Variants in MAF observed in about 807,000 individuals in gnomAD.
The protein encoded by MAF is MAF bZIP transcription factor, also known as transcription factor Maf.
A neutral mutation model predicts 22.0 loss-of-function variants in MAF; 10 were observed. That is an observed-to-expected ratio of 0.45 (90% CI 0.28 to 0.77). The LOEUF (loss-of-function observed/expected upper bound fraction) is 0.77, where lower values mean the gene tolerates loss of function less well. MAF is among the 30% of genes least tolerant of loss of function. The pLI is 0.12. For synonymous variants in MAF, 337 were observed against 255.8 expected (o/e 1.32, Z -3.03); for missense variants, 544 against 548.4 (o/e 0.99, Z 0.08).
At chr16:79,385,610 C>G in the MAF span, among the ~76,000 whole-genome samples, 1 of 152,256 alleles carries the variant, frequency 6.6e-6, no homozygotes, top group African/African-American at 2.4e-5. Flanking sequence ...TAATTAATAG[C>G]TGTTTCCTGG....
At chr16:79,281,991 G>A in the MAF span, among the ~76,000 whole-genome samples, 1 of 152,208 alleles carries the variant, frequency 6.6e-6, no homozygotes, top group African/African-American at 2.4e-5. Context: ...GAGTCCTGGT[G>A]TCTGGGTCTT....
chr16:79,212,034 T>G, the MAF span: 1 of 1,536,230 alleles, frequency 6.5e-7, no homozygotes, highest in Non-Finnish European at 8.7e-7. Context: ...TTTCTGGTGG[T>G]GGCCTGTTTG....
At chr16:79,360,816 C>T in the MAF span, among the ~76,000 whole-genome samples, 1 of 152,144 alleles carries the variant, frequency 6.6e-6, no homozygotes, top group Non-Finnish European at 1.5e-5. Context: ...GATCATAGCC[C>T]ACCCAGCAGG....
chr16:79,530,917 C>G, the MAF span, among the ~76,000 whole-genome samples: 1 of 152,280 alleles, frequency 6.6e-6, no homozygotes, highest in East Asian at 1.9e-4. Context: ...CCAGCCAGAT[C>G]CTGTGTCTTT....
chr16:79,580,140 G>A, the MAF span, among the ~76,000 whole-genome samples: 1 of 152,212 alleles, frequency 6.6e-6, no homozygotes, highest in Admixed American at 6.5e-5. Context: ...GTTGCACCCT[G>A]TATTTTTCTT....
chr16:79,337,155 G>C, the MAF span, among the ~76,000 whole-genome samples: 1 of 152,154 alleles, frequency 6.6e-6, no homozygotes, highest in Non-Finnish European at 1.5e-5. Context: ...ACGAGTGAGT[G>C]GGTCATAGGT....
the MAF span, among the ~76,000 whole-genome samples, chr16:79,348,958 C>T: frequency 2.3e-4 from 35 of 152,200 alleles, no homozygotes; most frequent in African/African-American, 7.7e-4. Flanking sequence ...TACAGACCCT[C>T]TTGTGTGCCC....
the MAF span, chr16:79,206,455 A>T: frequency 6.6e-6 from 1 of 152,230 alleles, no homozygotes; most frequent in East Asian, 1.9e-4. Flanking sequence ...CTTCTCTCTA[A>T]ATAAATGGAA....
chr16:79,567,054 T>A, the MAF span, among the ~76,000 whole-genome samples: 7 of 152,348 alleles, frequency 4.6e-5, no homozygotes, highest in East Asian at 1.4e-3. Flanking sequence ...GCATGGTGGC[T>A]CACGCCTGTA....
At chr16:79,253,543 C>G in the MAF span, among the ~76,000 whole-genome samples, 2 of 152,158 alleles carry the variant, frequency 1.3e-5, no homozygotes, top group African/African-American at 4.8e-5. Flanking sequence ...CACGTGGCCT[C>G]TCTTTTCTAA....
the MAF span, among the ~76,000 whole-genome samples, chr16:79,330,295 G>A: frequency 6.6e-6 from 1 of 152,226 alleles, no homozygotes. Context: ...TGGTAGATAT[G>A]TTAAGGAAAC....
chr16:79,348,496 T>G, the MAF span, among the ~76,000 whole-genome samples: 1 of 152,194 alleles, frequency 6.6e-6, no homozygotes, highest in Non-Finnish European at 1.5e-5. Flanking sequence ...AAAGCTAAGA[T>G]GTAACATCTA....
the MAF span, among the ~76,000 whole-genome samples, chr16:79,529,388 G>C: frequency 0.3 from 45,971 of 152,026 alleles, 7,681 homozygotes; most frequent in East Asian, 0.47. Context: ...CAAACAAACA[G>C]AAAAATTAAA....
the MAF span, among the ~76,000 whole-genome samples, chr16:79,465,315 G>C: frequency 2.0e-5 from 3 of 152,202 alleles, no homozygotes; most frequent in Non-Finnish European, 2.9e-5. Context: ...TTTAAGGGCA[G>C]GGCGTGGTGG....
the MAF span, among the ~76,000 whole-genome samples, chr16:79,566,380 G>T: frequency 6.6e-6 from 1 of 152,208 alleles, no homozygotes; most frequent in Non-Finnish European, 1.5e-5. Context: ...TTCACAGCAG[G>T]GAGTGGGGAC....
chr16:79,478,993 A>G, the MAF span, among the ~76,000 whole-genome samples: 1 of 151,906 alleles, frequency 6.6e-6, no homozygotes, highest in South Asian at 2.1e-4. Flanking sequence ...GCATACCTGT[A>G]TAGCATCCTA....
the MAF span, among the ~76,000 whole-genome samples, chr16:79,432,210 C>T: frequency 1.3e-5 from 2 of 152,312 alleles, no homozygotes; most frequent in African/African-American, 2.4e-5. Context: ...CCCCTGCTGG[C>T]ACTCATTCTC....
chr16:79,322,363 T>C, the MAF span, among the ~76,000 whole-genome samples: 1 of 152,196 alleles, frequency 6.6e-6, no homozygotes, highest in African/African-American at 2.4e-5. Flanking sequence ...GACAAAGTGT[T>C]AAGTGACTGG....
At chr16:79,330,958 G>T in the MAF span, among the ~76,000 whole-genome samples, 2 of 152,128 alleles carry the variant, frequency 1.3e-5, no homozygotes, top group African/African-American at 4.8e-5. Flanking sequence ...GGACATGAAG[G>T]CCAACCCTGT....
Sources: allele counts gnomAD v4.1 joint callset (sites outside exome capture counted in the v4.1 genomes callset), GRCh38; gene constraint gnomAD v4.1.1; transcripts MANE v1.5; gene names NCBI Gene and HGNC (gene_info 2026-07-23, HGNC 2026-07-21).